The following SHROOM4 variants were observed in gnomAD, a reference collection of about 807,000 sequenced individuals.
The protein encoded by SHROOM4 is protein Shroom4.
A neutral mutation model predicts 80.3 loss-of-function variants in SHROOM4; 17 were observed. The observed-to-expected ratio is 0.21, with a 90% CI of 0.14 to 0.32. The LOEUF (loss-of-function observed/expected upper bound fraction) is 0.32. Among genes scored for constraint, SHROOM4 ranks in the 10% least tolerant of loss-of-function variants. SHROOM4 has a pLI of 1.00. For synonymous variants in SHROOM4, 400 were observed against 437.5 expected, an observed-to-expected ratio of 0.91 and a Z score of 1.07; for missense variants, 993 against 1,140.3, an observed-to-expected ratio of 0.87 and a Z score of 1.86.
At chrX:50,778,130 A>G (rs2147668279) in intron 1 of SHROOM4, among the ~76,000 whole-genome samples, 1 of 111,678 alleles carries the variant, frequency 9.0e-6, no homozygotes, top group African/African-American at 3.3e-5. Flanking sequence ...CACCCTCCAC[A>G]ATGTATCAAG....
At chrX:50,672,943 T>C (rs1557260953) in intron 2 of SHROOM4, among the ~76,000 whole-genome samples, 1 of 111,386 alleles carries the variant, frequency 9.0e-6, no homozygotes, top group East Asian at 2.8e-4. Context: ...CAAGAGAAAA[T>C]ATCCTTCAGG....
At chrX:50,663,654 G>T (rs782562405) in intron 2 of SHROOM4, among the ~76,000 whole-genome samples, 2 of 110,790 alleles carry the variant, frequency 1.8e-5, no homozygotes, top group South Asian at 7.5e-4. Context: ...CCTCCTTTAT[G>T]TTTCCCAAAA....
intron 1 of SHROOM4, among the ~76,000 whole-genome samples, chrX:50,813,335 C>T (rs372587352): frequency 8.5e-4 from 95 of 112,037 alleles, no homozygotes; most frequent in African/African-American, 3.0e-3. Flanking sequence ...GCGGCAACAA[C>T]GCCCCAAGAG....
At chrX:50,806,017 C>T (rs1333465527) in intron 1 of SHROOM4, among the ~76,000 whole-genome samples, 1 of 106,468 alleles carries the variant, frequency 9.4e-6, no homozygotes, top group East Asian at 3.0e-4. Flanking sequence ...TAGAAGGGCT[C>T]ACTGTGACCA....
At chrX:50,628,992 A>G (rs1171782469) in intron 4 of SHROOM4, among the ~76,000 whole-genome samples, 2 of 111,789 alleles carry the variant, frequency 1.8e-5, no homozygotes, top group African/African-American at 6.5e-5. Context: ...GCCTGCAAAG[A>G]CACCATTACT....
chrX:50,688,593 T>C lies in SHROOM4; in HGVS notation c.269+7193A>G, dbSNP rs1933139200. Among the ~76,000 whole-genome samples the C allele has an allele frequency of 4.5e-5, 5 of 111,134 alleles. No individual in the cohort carries two copies. The South Asian group carries it at 1.9e-3, about 42-fold the overall frequency. On this transcript the variant is annotated intron_variant, in intron 2 of 8. Transcript: ENST00000376020. ...TGAGAAGGTAGGGGGAAGGGAGGGATATACAGAGATTTGTTAAATAATACA... is the reference window on the plus strand; with the variant it reads ...TGAGAAGGTAGGGGGAAGGGAGGGACATACAGAGATTTGTTAAATAATACA...
chrX:50,625,635 G>A (rs782664099), intron 5 of SHROOM4, among the ~76,000 whole-genome samples: 2 of 110,463 alleles, frequency 1.8e-5, no homozygotes, highest in Non-Finnish European at 3.8e-5. Flanking sequence ...TATTCCTTCT[G>A]CTCCATTTCT....
At chrX:50,788,475 C>T (rs955512960) in intron 1 of SHROOM4, among the ~76,000 whole-genome samples, 5 of 110,447 alleles carry the variant, frequency 4.5e-5, no homozygotes, top group East Asian at 2.9e-4. Flanking sequence ...GGCGTGGTGG[C>T]GGGCGCCTGT....
Position 50,731,099 on chromosome X carries a change from A to G in SHROOM4, c.118-35162T>C, listed in dbSNP as rs1430426982. 2.7e-5 allele frequency among the ~76,000 whole-genome samples: 3 copies of G among 111,349 alleles called. No individual in the cohort carries two copies. The Admixed American group carries it at 2.9e-4, about 11-fold the overall frequency. On this transcript the variant is annotated intron_variant, in intron 1 of 8. Coordinates refer to ENST00000376020, the MANE Select transcript of SHROOM4 (RefSeq NM_020717.5). ...TTGGGAGATTGAGTTCTGGCATTAC[A>G]ATATGAGGTGCTCTGTTGACTCTGT...
chrX:50,728,356 C>A lies in SHROOM4; in HGVS notation c.118-32419G>T, dbSNP rs146198274. Among the ~76,000 whole-genome samples, 236 of 110,719 alleles carry A rather than the reference C, an allele frequency of 2.1e-3. 4 individuals are homozygous for A. In the East Asian group the frequency reaches 0.053, roughly 25 times the overall value. On this transcript the variant is annotated intron_variant, in intron 1 of 8. Transcript: ENST00000376020. ...CCTGGGCAACAGAGCAAGACTCCAT[C>A]TCAAAAAAAGAAAAAGAAAAAAAAG... is the stretch of plus-strand genomic sequence containing the variant.
At chrX:50,605,664 C>T (rs1929630771) in intron 6 of SHROOM4, among the ~76,000 whole-genome samples, 1 of 112,378 alleles carries the variant, frequency 8.9e-6, no homozygotes, top group South Asian at 3.7e-4. Context: ...AGAACAAGAT[C>T]TCTCTGGGAG....
At chrX:50,795,074 TG>T (rs56270516) in intron 1 of SHROOM4, among the ~76,000 whole-genome samples, 15 of 66,769 alleles carry the variant, frequency 2.2e-4, no homozygotes, top group South Asian at 7.3e-4. Flanking sequence ...TATATATATA[TG>T]ATATATATAT....
In SHROOM4 at chrX:50,687,267, C is replaced by CTTTTTTTTTTTTTTTTTTTTT; in HGVS notation, c.269+8518_269+8519insAAAAAAAAAAAAAAAAAAAAA. On this transcript the variant is annotated intron_variant, in intron 2 of 8. Transcript: ENST00000376020. ...CTATTCAACTTTGCCATTTTGGTGT[C>CTTTTTTTTTTTTTTTTTTTTT]TTTTTTTTTTTTTTTTAAAAACAGC... 82 of 88,796 alleles carry CTTTTTTTTTTTTTTTTTTTTT rather than the reference C, an allele frequency of 9.2e-4. 1 individual carries two copies. Among genetic ancestry groups the CTTTTTTTTTTTTTTTTTTTTT allele is most frequent in the African/African-American group, 3.4e-3 (75 of 22,074 alleles). 7.3% of individuals were successfully genotyped at this position (88,796 alleles called of 1,213,427 possible).
At chrX:50,783,082 G>A (rs1229285190) in intron 1 of SHROOM4, among the ~76,000 whole-genome samples, 8 of 111,653 alleles carry the variant, frequency 7.2e-5, no homozygotes, top group East Asian at 2.8e-4. Flanking sequence ...TCCAAGTCAC[G>A]TACAGCTGGT....
chrX:50,748,637 G>A (rs1934832859), intron 1 of SHROOM4, among the ~76,000 whole-genome samples: 1 of 111,456 alleles, frequency 9.0e-6, no homozygotes, highest in Non-Finnish European at 1.9e-5. Context: ...CTCCCGGGAT[G>A]GCTTCTTTAC....
At chrX:50,652,138 G>T (rs1242899010) in intron 2 of SHROOM4, among the ~76,000 whole-genome samples, 1 of 111,759 alleles carries the variant, frequency 8.9e-6, no homozygotes, top group Non-Finnish European at 1.9e-5. Context: ...TCTGGTTCCA[G>T]ATCCTTGAGG....
intron 2 of SHROOM4, among the ~76,000 whole-genome samples, chrX:50,668,456 G>A (rs1183754983): frequency 8.9e-6 from 1 of 111,933 alleles, no homozygotes; most frequent in African/African-American, 3.2e-5. Context: ...CAGTAATATG[G>A]CAGCAACCCC....
intron 1 of SHROOM4, among the ~76,000 whole-genome samples, chrX:50,769,663 C>T (rs1287013993): frequency 8.9e-6 from 1 of 111,818 alleles, no homozygotes; most frequent in African/African-American, 3.3e-5. Flanking sequence ...AGCCTTCCTT[C>T]CTGTGGAGTT....
chrX:50,713,297 G>A (rs782279050), intron 1 of SHROOM4, among the ~76,000 whole-genome samples: 6 of 111,236 alleles, frequency 5.4e-5, no homozygotes, highest in Admixed American at 3.8e-4. Flanking sequence ...ACAAGAGAGT[G>A]ATGTCAAGCA....
Sources: gnomAD v4.1 joint callset for allele counts (sites outside exome capture counted in the v4.1 genomes callset) on GRCh38, gnomAD v4.1.1 for gene constraint, MANE v1.5 for transcripts, NCBI Gene and HGNC (gene_info 2026-07-23, HGNC 2026-07-21) for gene names.